Variants in CCDC144A observed in about 807,000 individuals in gnomAD.
The protein encoded by CCDC144A is coiled-coil domain-containing protein 144A.
Under a neutral mutation model 143.8 loss-of-function variants are expected in CCDC144A, and 41 were observed. The ratio of observed to expected loss-of-function variants is 0.29; its 90% CI spans 0.22 to 0.37. The LOEUF is 0.37. Among genes scored for constraint, CCDC144A ranks in the 10% least tolerant of loss-of-function variants. The probability of loss-of-function intolerance (pLI) is 1.00; values close to 1 mark genes in which losing one functional copy is unlikely to be tolerated. For missense variants in CCDC144A, 637 were observed against 1,488.8 expected, an observed-to-expected ratio of 0.43 and a Z score of 9.41; for synonymous variants, 242 against 517.9, an observed-to-expected ratio of 0.47 and a Z score of 7.23.
intron 15 of CCDC144A, chr17:16,765,804 C>T (rs1348249788): frequency 4.6e-5 from 7 of 152,334 alleles, no homozygotes; most frequent in Non-Finnish European, 8.8e-5. Context: ...AGATGATCAG[C>T]GTCCAAATGC....
At chr17:16,770,756 G>A (rs1385862786) in intron 15 of CCDC144A, among the ~76,000 whole-genome samples, 12 of 151,868 alleles carry the variant, frequency 7.9e-5, no homozygotes, top group Non-Finnish European at 5.9e-5. Flanking sequence ...CTAAAGGAAG[G>A]ATCAGTGCTC....
At chr17:16,676,510 C>T in the CCDC144A span, among the ~76,000 whole-genome samples, 4 of 140,254 alleles carry the variant, frequency 2.9e-5, no homozygotes, top group Admixed American at 1.4e-4. Flanking sequence ...GACTCCGTCT[C>T]CAAAAAAAAA....
chr17:16,764,342 A>C, intron 15 of CCDC144A, 167 bp downstream of exon 15: 1 of 1,435,244 alleles, frequency 7.0e-7, no homozygotes, highest in Non-Finnish European at 9.1e-7. Flanking sequence ...AAGTCTCTGG[A>C]GCTCTCATTG....
chr17:16,681,551 G>A, the CCDC144A span, among the ~76,000 whole-genome samples: 3 of 151,994 alleles, frequency 2.0e-5, no homozygotes, highest in South Asian at 2.1e-4. Context: ...AAGTAATAGC[G>A]CAGGTACTTT....
intron 12 of CCDC144A, among the ~76,000 whole-genome samples, chr17:16,750,841 G>A (rs1914756275): frequency 6.6e-6 from 1 of 152,034 alleles, no homozygotes; most frequent in African/African-American, 2.4e-5. Context: ...GGTTTTGAAG[G>A]TCCCTCCTGT....
chr17:16,703,847 T>C (rs1364062383), intron 2 of CCDC144A, among the ~76,000 whole-genome samples: 1 of 152,046 alleles, frequency 6.6e-6, no homozygotes, highest in African/African-American at 2.4e-5. Flanking sequence ...CGCACAGCCA[T>C]ACATTCCAAT....
chr17:16,766,923 C>T (rs1567612017), intron 15 of CCDC144A: 1 of 151,968 alleles, frequency 6.6e-6, no homozygotes, highest in African/African-American at 2.4e-5. Context: ...AGTTCCAAGG[C>T]ATACCTAGTT....
chr17:16,685,212 C>T (rs12103515), upstream of CCDC144A, among the ~76,000 whole-genome samples: 642 of 152,030 alleles, frequency 4.2e-3, 6 homozygotes, highest in African/African-American at 0.014. Flanking sequence ...TTTTTGGTAG[C>T]GATGGGGTTT....
chr17:16,673,170 A>T, the CCDC144A span, among the ~76,000 whole-genome samples: 1 of 151,900 alleles, frequency 6.6e-6, no homozygotes, highest in Non-Finnish European at 1.5e-5. Context: ...TTCTCAGTAA[A>T]TGAGAACAGT....
In CCDC144A at chr17:16,725,002, A is replaced by ATTTTTTT. The variant is rs1167527388; in HGVS notation, c.1892-2499_1892-2493dup. ...AGGAAATGACTGTTTATAGCTGGTA[A>ATTTTTTT]TTTTTTTTTTTTTTTTTTTTTTTTT... On this transcript the variant is annotated intron_variant, in intron 8 of 16. Coordinates refer to ENST00000399273, the MANE Select transcript of CCDC144A (RefSeq NM_001382000.1). 8.6e-4 allele frequency among the ~76,000 whole-genome samples: 32 copies of ATTTTTTT among 37,280 alleles called. 2 individuals carry two copies. The highest frequency in any genetic ancestry group is 1.2e-3 in the East Asian group (1 of 860). 24.5% of individuals were successfully genotyped at this position (37,280 alleles called of 152,430 possible).
rs180754251 is a variant in CCDC144A at position 16,703,053 on chromosome 17, T to G, written c.416-2098T>G. ...AAAGCAATTAATTACCCTTAATAAC[T>G]ATATGGTGGACACAGTCTTTTAAAA... On this transcript the variant is annotated intron_variant, in intron 2 of 16. Transcript: ENST00000399273. Among the ~76,000 whole-genome samples the G allele has an allele frequency of 7.0e-3, 1,059 of 152,370 alleles. 18 individuals are homozygous for G. Among genetic ancestry groups the G allele is most frequent in the African/African-American group, 0.024 (1,010 of 41,590 alleles).
intron 15 of CCDC144A, chr17:16,766,080 A>T (rs901836113): frequency 6.6e-6 from 1 of 152,424 alleles, no homozygotes. Context: ...GAGACATGAG[A>T]CATCAATCAA....
At chr17:16,746,662 G>C (rs1914536285) in intron 12 of CCDC144A, 1 of 1,611,894 alleles carries the variant, frequency 6.2e-7, no homozygotes, top group Admixed American at 1.7e-5. Flanking sequence ...GACTCAGGTC[G>C]GCGGCGAAGA....
At chr17:16,767,700 A>G (rs983573073) in intron 15 of CCDC144A, among the ~76,000 whole-genome samples, 3 of 152,242 alleles carry the variant, frequency 2.0e-5, no homozygotes, top group African/African-American at 4.8e-5. Flanking sequence ...GTGAAGTGCT[A>G]TCATACTCAG....
chr17:16,667,343 G>T, the CCDC144A span, among the ~76,000 whole-genome samples: 5 of 139,928 alleles, frequency 3.6e-5, no homozygotes, highest in East Asian at 1.1e-3. Context: ...TGAGGCGGCT[G>T]AGGAGCTGAG....
intron 2 of CCDC144A, 128 bp from the exon 3 acceptor site, chr17:16,705,023 T>A: frequency 2.6e-6 from 2 of 755,506 alleles, no homozygotes; most frequent in Non-Finnish European, 4.6e-6. Context: ...TAAGCCTGAA[T>A]GCATAGTGTG....
intron 12 of CCDC144A, among the ~76,000 whole-genome samples, chr17:16,757,721 C>T (rs954917727): frequency 1.3e-5 from 2 of 152,238 alleles, no homozygotes; most frequent in African/African-American, 4.8e-5. Flanking sequence ...ACAGCACTGC[C>T]CCTGAAGGGG....
chr17:16,699,440 A>G (rs1287806942), intron 2 of CCDC144A, among the ~76,000 whole-genome samples: 1 of 139,232 alleles, frequency 7.2e-6, no homozygotes, highest in Non-Finnish European at 1.5e-5. Flanking sequence ...CAGTGGCGCT[A>G]TCTCGGCTCA....
intron 15 of CCDC144A, among the ~76,000 whole-genome samples, chr17:16,767,704 T>C (rs1196871534): frequency 6.6e-6 from 1 of 152,266 alleles, no homozygotes; most frequent in Non-Finnish European, 1.5e-5. Context: ...AGTGCTATCA[T>C]ACTCAGCATT....
Sources: allele counts gnomAD v4.1 joint callset (sites outside exome capture counted in the v4.1 genomes callset), GRCh38; gene constraint gnomAD v4.1.1; transcripts MANE v1.5; gene names NCBI Gene and HGNC (gene_info 2026-07-23, HGNC 2026-07-21).